TANC1: variants seen among roughly 807,000 people sequenced by gnomAD.
TANC1 encodes tetratricopeptide repeat, ankyrin repeat and coiled-coil containing 1.
Under a neutral mutation model 149.7 loss-of-function variants are expected in TANC1, and 77 were observed. The observed-to-expected ratio is 0.51, with a 90% CI of 0.43 to 0.62. TANC1 has a LOEUF of 0.62. Among genes scored for constraint, TANC1 ranks in the 20% least tolerant of loss-of-function variants. The pLI, the probability that TANC1 is intolerant of heterozygous loss-of-function variation, is 0.00. For synonymous variants in TANC1, 854 were observed against 925.0 expected (o/e 0.92, Z 1.39); for missense variants, 1,985 against 2,321.8 (o/e 0.85, Z 2.98).
intron 16 of TANC1, among the ~76,000 whole-genome samples, chr2:159,189,754 T>C: frequency 6.6e-6 from 1 of 152,180 alleles, no homozygotes; most frequent in East Asian, 1.9e-4. Context: ...TTTACAGCCC[T>C]GGCTGCCAGC....
rs374465130 is a variant in TANC1 at position 159,187,019 on chromosome 2, G to A, written c.2737G>A (p.Val913Met). 29 of 1,613,984 alleles carry A rather than the reference G, an allele frequency of 1.8e-5. No homozygotes were observed. Among genetic ancestry groups the A allele is most frequent in the Non-Finnish European group, 2.2e-5 (26 of 1,180,018 alleles). ...ASLRNLYTPN[V>M]KVSRLLILGG... ...TCTCAGGAATCTCTATACTCCCAAC[G>A]TGAAGGTGAGCAACCTTCTGCACAG... The change falls in exon 16 of 27, where the codon GTG (valine) becomes ATG (methionine). Residue 913 changes from valine (V) to methionine (M), a missense_variant. Physicochemically the swap from Val to Met is conservative, Grantham distance 21. Transcript: ENST00000263635.
chr2:159,198,863 G>T, intron 18 of TANC1, 112 bp from the exon 19 acceptor site: 4 of 683,164 alleles, frequency 5.9e-6, no homozygotes, highest in South Asian at 1.9e-5. Context: ...TCTCTCCTTG[G>T]GCAGTGTGAG....
intron 2 of TANC1, among the ~76,000 whole-genome samples, chr2:159,017,039 G>C (rs1000448687): frequency 7.0e-6 from 1 of 143,444 alleles, no homozygotes; most frequent in African/African-American, 2.5e-5. Flanking sequence ...TTTGATCCTA[G>C]GAGTATAAAA....
chr2:159,044,733 G>C lies in TANC1; in HGVS notation c.-15-21163G>C, dbSNP rs148404567. 3.8e-4 allele frequency among the ~76,000 whole-genome samples: 58 copies of C among 152,256 alleles called. No homozygotes were observed. In the East Asian group the frequency reaches 8.5e-3, roughly 22 times the overall value. ...CTGGGGGCATTGGAGACACCGGCTC[G>C]CTTCTCCATGGGTGTTGGAAATACT... On this transcript the variant is annotated intron_variant, in intron 2 of 26. Coordinates refer to ENST00000263635, the MANE Select transcript of TANC1 (RefSeq NM_033394.3).
chr2:159,225,951 G>A, intron 24 of TANC1, 172 bp downstream of exon 24: 1 of 658,134 alleles, frequency 1.5e-6, no homozygotes, highest in South Asian at 1.6e-5. Context: ...GGAGGCCGAG[G>A]TGGGCAGATC....
At chr2:159,034,315 G>A (rs1484932419) in intron 2 of TANC1, among the ~76,000 whole-genome samples, 1 of 152,140 alleles carries the variant, frequency 6.6e-6, no homozygotes. Context: ...TGGTCCATTT[G>A]CTTTTCCCTC....
rs13011527 is a variant in TANC1 at position 159,136,002 on chromosome 2, T to C, written c.260-192T>C. ...ACGTTCCCTCGTCTGTACTGAAATT[T>C]TGTGTGTGTGTGTGTGTGTGTGTGT... On this transcript the variant is annotated intron_variant, in intron 4 of 26. Coordinates refer to ENST00000263635, the MANE Select transcript of TANC1 (RefSeq NM_033394.3). Among the ~76,000 whole-genome samples the C allele has an allele frequency of 3.9e-4, 42 of 107,882 alleles. 1 individual carries two copies. The East Asian group carries it at 8.8e-3, about 23-fold the overall frequency. 70.8% of individuals were successfully genotyped at this position (107,882 alleles called of 152,430 possible).
intron 2 of TANC1, among the ~76,000 whole-genome samples, chr2:159,024,655 G>A (rs2039109159): frequency 6.6e-6 from 1 of 151,940 alleles, no homozygotes; most frequent in African/African-American, 2.4e-5. Flanking sequence ...GGAGGCTGAG[G>A]CAGGAGAATC....
At chr2:158,990,692 G>C (rs1186720645) in intron 1 of TANC1, among the ~76,000 whole-genome samples, 1 of 152,206 alleles carries the variant, frequency 6.6e-6, no homozygotes, top group Non-Finnish European at 1.5e-5. Context: ...GGATGGAACA[G>C]TGTGAAGTAG....
At chr2:159,022,613 C>T (rs947971278) in intron 2 of TANC1, among the ~76,000 whole-genome samples, 1 of 152,100 alleles carries the variant, frequency 6.6e-6, no homozygotes, top group Admixed American at 6.6e-5. Flanking sequence ...GGCATGGTGG[C>T]GCATGCCTGT....
intron 2 of TANC1, among the ~76,000 whole-genome samples, chr2:159,059,495 A>G (rs1206815502): frequency 6.7e-6 from 1 of 149,180 alleles, no homozygotes; most frequent in Admixed American, 6.9e-5. Flanking sequence ...CAACAGAGTA[A>G]GACTCTCTTA....
chr2:159,196,674 A>G lies in TANC1; in HGVS notation c.3046A>G (p.Ile1016Val), dbSNP rs1159847071. Residue 1016 changes from isoleucine to valine, a missense_variant, in exon 18 of 27, where the codon ATT becomes GTT. Around this residue, in one of 3 missense-constraint regions of TANC1, gnomAD observed 508 missense variants for 714.2 expected, o/e 0.71. Transcript: ENST00000263635. The stretch of plus-strand genomic sequence containing the variant: ...CAGTGCCCTACGGGGCCACGGTGAC[A>G]TTCTCCAGTACCTGCTGACTTGTGA... Reference protein sequence around the residue: ...VHSALRGHGDILQYLLTCEWS... With the variant: ...VHSALRGHGDVLQYLLTCEWS... 1 of 1,613,970 alleles carries G rather than the reference A, an allele frequency of 6.2e-7. No individual in the cohort carries two copies. Among genetic ancestry groups the G allele is most frequent in the Non-Finnish European group, 8.5e-7 (1 of 1,179,990 alleles).
At chr2:159,018,216 A>T (rs929568521) in intron 2 of TANC1, among the ~76,000 whole-genome samples, 2 of 152,156 alleles carry the variant, frequency 1.3e-5, no homozygotes, top group African/African-American at 4.8e-5. Flanking sequence ...TTAAAAGCCT[A>T]TCCCTCTGGC....
At chr2:159,201,262 C>T (rs560745503) in intron 19 of TANC1, among the ~76,000 whole-genome samples, 7 of 152,318 alleles carry the variant, frequency 4.6e-5, no homozygotes, top group Admixed American at 4.6e-4. Flanking sequence ...GCTGAGAGAA[C>T]ATCTGCAAAT....
chr2:159,120,919 T>TAG (rs1455045961), intron 4 of TANC1, among the ~76,000 whole-genome samples: 3 of 152,132 alleles, frequency 2.0e-5, no homozygotes, highest in African/African-American at 7.2e-5. Context: ...CTCTTTTACT[T>TAG]ACGGCAGTTG....
chr2:159,064,384 T>C (rs1574422765), intron 2 of TANC1, among the ~76,000 whole-genome samples: 1 of 152,356 alleles, frequency 6.6e-6, no homozygotes, highest in East Asian at 1.9e-4. Flanking sequence ...AAGATGATTT[T>C]ACTCCGATAA....
chr2:159,216,610 C>T (rs1383144872), intron 19 of TANC1, among the ~76,000 whole-genome samples: 1 of 152,180 alleles, frequency 6.6e-6, no homozygotes, highest in African/African-American at 2.4e-5. Context: ...GTGGGGATGC[C>T]CAGGCTGACG....
chr2:159,086,654 A>G (rs1268986010), intron 3 of TANC1, among the ~76,000 whole-genome samples: 1 of 152,222 alleles, frequency 6.6e-6, no homozygotes, highest in Admixed American at 6.5e-5. Flanking sequence ...GTTTCAAATA[A>G]ATGTTCACTG....
At chr2:159,102,059 G>C (rs916278667) in intron 4 of TANC1, among the ~76,000 whole-genome samples, 1 of 152,184 alleles carries the variant, frequency 6.6e-6, no homozygotes, top group Non-Finnish European at 1.5e-5. Flanking sequence ...AGGCTGTGGA[G>C]TAGAAGCCAT....
Sources: gnomAD v4.1 joint callset for allele counts (sites outside exome capture counted in the v4.1 genomes callset) on GRCh38, gnomAD v4.1.1 for gene constraint, gnomAD v4.1.1 regional missense constraint, MANE v1.5 for transcripts, NCBI Gene and HGNC (gene_info 2026-07-23, HGNC 2026-07-21) for gene names.